NADSYN1: variants seen among roughly 807,000 people sequenced by gnomAD.
NADSYN1 encodes the protein NAD synthetase 1, also known as glutamine-dependent NAD(+) synthetase.
A neutral mutation model predicts 99.3 loss-of-function variants in NADSYN1; 80 were observed. The observed-to-expected ratio is 0.81, with a 90% CI of 0.67 to 0.97. NADSYN1 has a LOEUF of 0.97. Among genes scored for constraint, NADSYN1 ranks in the 50% least tolerant of loss-of-function variants. The probability of loss-of-function intolerance (pLI) is 0.00; values close to 1 mark genes in which losing one functional copy is unlikely to be tolerated. For missense variants in NADSYN1, 859 were observed against 948.5 expected (o/e 0.91, Z 1.24); for synonymous variants, 385 against 372.1 (o/e 1.03, Z -0.40).
At chr11:71,480,958 G>T in intron 11 of NADSYN1, 79 bp downstream of exon 11, 2 of 1,573,214 alleles carry the variant, frequency 1.3e-6, no homozygotes, top group Non-Finnish European at 1.7e-6. Context: ...TGGAGGTCAC[G>T]CAGTGGGTTT....
chr11:71,466,527 G>A (rs1288797144), intron 5 of NADSYN1, among the ~76,000 whole-genome samples: 7 of 152,196 alleles, frequency 4.6e-5, no homozygotes, highest in Admixed American at 2.0e-4. Context: ...CAAGATCTCC[G>A]TGGGTGGATG....
intron 18 of NADSYN1, among the ~76,000 whole-genome samples, chr11:71,492,114 G>T (rs1949783781): frequency 6.6e-6 from 1 of 152,184 alleles, no homozygotes; most frequent in African/African-American, 2.4e-5. Context: ...CCAGAAAGAG[G>T]ATGACATGGT....
intron 8 of NADSYN1, among the ~76,000 whole-genome samples, chr11:71,473,963 G>A (rs944839350): frequency 6.6e-5 from 10 of 152,230 alleles, no homozygotes; most frequent in African/African-American, 2.2e-4. Context: ...ATCATGGTGA[G>A]GCGTAGGGAA....
intron 16 of NADSYN1, among the ~76,000 whole-genome samples, chr11:71,488,605 A>T (rs879926764): frequency 3.3e-5 from 5 of 151,714 alleles, no homozygotes; most frequent in Non-Finnish European, 7.4e-5. Flanking sequence ...AGGGGAGGGG[A>T]GGCGCAGGAT....
Position 71,485,569 on chromosome 11 carries a change from C to A in NADSYN1, c.1483C>A (p.Leu495Met). 6.4e-7 allele frequency: 1 copy of A among 1,561,936 alleles called. No individual in the cohort carries two copies. The highest frequency in any genetic ancestry group is 1.9e-5 in the Admixed American group (1 of 51,782). ...QARIRMVLAY[L>M]FAQLSLWSRG... is the part of the protein sequence containing the mutation. ...TCGAATACGGATGGTCCTCGCCTATCTGTTTGCTCAGTTGAGCCTCTGGTC... is the reference window on the plus strand; with the variant it reads ...TCGAATACGGATGGTCCTCGCCTATATGTTTGCTCAGTTGAGCCTCTGGTC... The change falls in exon 16 of 21, where the codon CTG becomes ATG. Residue 495 changes from leucine (L) to methionine (M), a missense_variant. By Grantham distance (15) the Leu-to-Met change is conservative (BLOSUM62 2). Transcript: ENST00000319023.
intron 16 of NADSYN1, among the ~76,000 whole-genome samples, chr11:71,489,468 G>T (rs898027648): frequency 1.3e-5 from 2 of 152,140 alleles, no homozygotes; most frequent in Non-Finnish European, 2.9e-5. Flanking sequence ...GCTCTGCACT[G>T]CGGGATTTCC....
intron 5 of NADSYN1, among the ~76,000 whole-genome samples, chr11:71,471,531 CG>C (rs1949626884): frequency 6.6e-6 from 1 of 152,152 alleles, no homozygotes; most frequent in African/African-American, 2.4e-5. Context: ...GTCTTTGTTC[CG>C]GTGTCCAGGG....
chr11:71,470,511 G>A (rs1949620035), intron 5 of NADSYN1, among the ~76,000 whole-genome samples: 1 of 152,206 alleles, frequency 6.6e-6, no homozygotes, highest in Non-Finnish European at 1.5e-5. Context: ...ACACATGTGT[G>A]CCTTGGTACT....
At position 71,485,533 on chromosome 11, in the gene NADSYN1, G is replaced by A; in HGVS notation, c.1456-9G>A. ...GGGAACCCGTTATTTCCTCTGTTGT[G>A]TTTTCCAGGCTCGAATACGGATGGT... On this transcript the variant is annotated splice_polypyrimidine_tract_variant and intron_variant, in intron 15 of 20. Coordinates refer to ENST00000319023, the MANE Select transcript of NADSYN1 (RefSeq NM_018161.5). The A allele has an allele frequency of 6.5e-7, 1 of 1,548,190 alleles. No individual in the cohort carries two copies. The highest frequency in any genetic ancestry group is 8.7e-7 in the Non-Finnish European group (1 of 1,145,140).
chr11:71,476,256 T>C (rs1390345157), intron 9 of NADSYN1: 2 of 369,762 alleles, frequency 5.4e-6, no homozygotes, highest in African/African-American at 2.1e-5. Context: ...TTGTTGGGAA[T>C]GGGCATTAAA....
In NADSYN1 at chr11:71,498,449, C is replaced by CT; in HGVS notation, c.1992dup (p.Glu665Ter). The CT allele has an allele frequency of 6.2e-7, 1 of 1,614,194 alleles. No individual in the cohort carries two copies. The highest frequency in any genetic ancestry group is 8.5e-7 in the Non-Finnish European group (1 of 1,180,036). Reference sequence around the variant, plus strand: ...GCGTACCACGCCGAGAACTACAGCCCTGAGGACAACAGGTTTGATCTGCGA... The same window carrying CT: ...GCGTACCACGCCGAGAACTACAGCCCTTGAGGACAACAGGTTTGATCTGCGA... On this transcript the variant is annotated frameshift_variant, in exon 20 of 21. Coordinates refer to ENST00000319023, the MANE Select transcript of NADSYN1 (RefSeq NM_018161.5). LOFTEE classifies it high-confidence loss of function.
rs144647525 is a variant in NADSYN1, at chr11:71,482,875, A to G, written c.1177A>G (p.Thr393Ala). 1.1e-3 allele frequency: 1,776 copies of G among 1,612,858 alleles called. 2 individuals are homozygous for G. Among genetic ancestry groups the G allele is most frequent in the Non-Finnish European group, 1.4e-3 (1,662 of 1,179,518 alleles). The change falls in exon 14 of 21, where the codon ACC (threonine) becomes GCC (alanine). Residue 393 changes from threonine (T) to alanine (A), a missense_variant. Physicochemically the swap from Thr to Ala is moderately conservative, Grantham distance 58. Transcript: ENST00000319023. ...TGAGGAAGTGCTGGCTGATGTCCGCACCATCGTGAACCAGATCAGCTACAC... is the reference window on the plus strand; with the variant it reads ...TGAGGAAGTGCTGGCTGATGTCCGCGCCATCGTGAACCAGATCAGCTACAC... ...GNEEVLADVR[T>A]IVNQISYTPQ...
intron 20 of NADSYN1, chr11:71,499,221 G>C (rs552915086): frequency 6.6e-6 from 1 of 152,360 alleles, no homozygotes; most frequent in East Asian, 1.9e-4. Flanking sequence ...CCACAGCTGT[G>C]CTGTTGGGAA....
chr11:71,453,263 C>T lies in NADSYN1; in HGVS notation c.-34C>T, dbSNP rs2120377034. On this transcript the variant is annotated 5_prime_UTR_variant, in exon 1 of 21. Coordinates refer to ENST00000319023, the MANE Select transcript of NADSYN1 (RefSeq NM_018161.5). ...GCTGGGACCCTGGTCTTGCTGTCCC[C>T]CGCTGGCCTCCTGCCCAAGCGACTG... 1 of 1,600,994 alleles carries T rather than the reference C, an allele frequency of 6.2e-7. No individual in the cohort carries two copies. The highest frequency in any genetic ancestry group is 8.5e-7 in the Non-Finnish European group (1 of 1,170,552).
chr11:71,494,454 G>A (rs963668086), intron 18 of NADSYN1, among the ~76,000 whole-genome samples: 4 of 152,318 alleles, frequency 2.6e-5, no homozygotes, highest in African/African-American at 4.8e-5. Context: ...TTCACACGAC[G>A]CAGTGGCCTG....
At chr11:71,478,352 C>T (rs1378536074) in intron 9 of NADSYN1, 43 bp from the exon 10 acceptor site, 1 of 1,512,478 alleles carries the variant, frequency 6.6e-7, no homozygotes, top group South Asian at 1.2e-5. Flanking sequence ...GGGAGTTGAA[C>T]AAACGGGAAA....
chr11:71,482,145 C>A, intron 13 of NADSYN1, 120 bp downstream of exon 13: 1 of 836,746 alleles, frequency 1.2e-6, no homozygotes, highest in African/African-American at 1.7e-5. Flanking sequence ...GTGAAGGGGG[C>A]TTTGTGGCCA....
At chr11:71,457,165 C>T (rs372200898) in intron 2 of NADSYN1, among the ~76,000 whole-genome samples, 9 of 152,368 alleles carry the variant, frequency 5.9e-5, no homozygotes, top group South Asian at 4.1e-4. Context: ...TGGGCCAGGA[C>T]GCCAACAGGG....
intron 3 of NADSYN1, 104 bp from the exon 4 acceptor site, chr11:71,463,328 G>A (rs1370796604): frequency 1.1e-5 from 11 of 1,035,388 alleles, no homozygotes; most frequent in Admixed American, 3.7e-5. Context: ...AGGAAGCTTC[G>A]TAGTAAAGTA....
Sources: allele counts gnomAD v4.1 joint callset (sites outside exome capture counted in the v4.1 genomes callset), GRCh38; gene constraint gnomAD v4.1.1; transcripts MANE v1.5; gene names NCBI Gene and HGNC (gene_info 2026-07-23, HGNC 2026-07-21).